NLGN1: variants seen among roughly 807,000 people sequenced by gnomAD.
NLGN1 encodes the protein neuroligin 1.
NLGN1 carries 12 observed loss-of-function variants against 65.5 expected under a neutral mutation model. That is an observed-to-expected ratio of 0.18 (90% CI 0.12 to 0.30). The LOEUF is 0.30. NLGN1 is among the 10% of genes least tolerant of loss of function. The pLI is 1.00. For missense variants in NLGN1, 750 were observed against 1,007.1 expected, an observed-to-expected ratio of 0.74 and a Z score of 3.46; for synonymous variants, 350 against 359.5, an observed-to-expected ratio of 0.97 and a Z score of 0.30.
Position 173,472,910 on chromosome 3 carries a change from G to A in NLGN1, c.-321+37832G>A, listed in dbSNP as rs1040148748. Among the ~76,000 whole-genome samples the A allele has an allele frequency of 2.0e-5, 3 of 152,058 alleles. No homozygotes were observed. In the East Asian group the frequency reaches 5.8e-4, roughly 29 times the overall value. On this transcript the variant is annotated intron_variant, in intron 2 of 6. Coordinates refer to ENST00000457714, the Ensembl canonical transcript of NLGN1. ...TAATCTGCCCCTTTAGGAGTCTGTT[G>A]GCTTTACGGATCTTGCATCATGAAT... is the stretch of plus-strand genomic sequence containing the variant.
At chr3:173,540,781 G>T (rs1560409727) in intron 2 of NLGN1, among the ~76,000 whole-genome samples, 1 of 152,230 alleles carries the variant, frequency 6.6e-6, no homozygotes, top group Admixed American at 6.5e-5. Context: ...AACTACTCCT[G>T]CTTCTGTGTT....
intron 3 of NLGN1, among the ~76,000 whole-genome samples, chr3:173,618,378 G>T (rs1753465056): frequency 6.6e-6 from 1 of 151,978 alleles, no homozygotes; most frequent in African/African-American, 2.4e-5. Flanking sequence ...AAATTGTTTT[G>T]TAGAGATGCG....
rs1437972161 is a variant in NLGN1, at chr3:174,278,849, A to T, written c.860-12A>T. 1.4e-6 allele frequency: 2 copies of T among 1,468,888 alleles called. No individual in the cohort carries two copies. The highest frequency in any genetic ancestry group is 2.8e-5 in the African/African-American group (2 of 70,494). 91.0% of individuals were successfully genotyped at this position (1,468,888 alleles called of 1,614,324 possible). On this transcript the variant is annotated splice_polypyrimidine_tract_variant and intron_variant, in intron 5 of 6. Coordinates refer to ENST00000457714, the Ensembl canonical transcript of NLGN1. ...AAAGATCATCTAAAATTCTTTGTTGATTTTCCCATAGGACTTTTTCAACGA... is the reference window on the plus strand; with the variant it reads ...AAAGATCATCTAAAATTCTTTGTTGTTTTTCCCATAGGACTTTTTCAACGA...
At chr3:173,669,768 A>G (rs923647358) in intron 3 of NLGN1, among the ~76,000 whole-genome samples, 4 of 152,170 alleles carry the variant, frequency 2.6e-5, no homozygotes, top group Admixed American at 6.5e-5. Flanking sequence ...TTATAATACA[A>G]GTTTTTTAAC....
At chr3:174,053,595 A>G (rs1275580377) in intron 4 of NLGN1, among the ~76,000 whole-genome samples, 1 of 152,020 alleles carries the variant, frequency 6.6e-6, no homozygotes, top group Non-Finnish European at 1.5e-5. Context: ...GTAATGGGTA[A>G]AACTTAATGA....
At chr3:173,815,752 A>G (rs1460879229) in intron 4 of NLGN1, among the ~76,000 whole-genome samples, 1 of 152,132 alleles carries the variant, frequency 6.6e-6, no homozygotes, top group Non-Finnish European at 1.5e-5. Context: ...TATGGAAGTG[A>G]CTTTTCAAAA....
At chr3:174,152,299 A>G (rs1355026734) in intron 4 of NLGN1, among the ~76,000 whole-genome samples, 3 of 152,200 alleles carry the variant, frequency 2.0e-5, no homozygotes, top group Non-Finnish European at 4.4e-5. Context: ...ATACATAAAT[A>G]TATCATCTAA....
intron 2 of NLGN1, among the ~76,000 whole-genome samples, chr3:173,471,348 G>A (rs1437229208): frequency 1.3e-5 from 2 of 152,096 alleles, no homozygotes; most frequent in African/African-American, 4.8e-5. Context: ...AGGGCTATGA[G>A]GAACAATCTA....
intron 4 of NLGN1, among the ~76,000 whole-genome samples, chr3:174,032,078 GTTAA>G (rs1225596056): frequency 6.6e-6 from 1 of 152,094 alleles, no homozygotes; most frequent in Admixed American, 6.6e-5. Flanking sequence ...CAGGCATGGT[GTTAA>G]TTAATTGAAA....
intron 4 of NLGN1, among the ~76,000 whole-genome samples, chr3:174,086,591 T>C (rs765788933): frequency 6.6e-6 from 1 of 151,710 alleles, no homozygotes; most frequent in Non-Finnish European, 1.5e-5. Flanking sequence ...ATAAAACATA[T>C]AGTTACTTAA....
chr3:174,024,328 T>A (rs561267115), intron 4 of NLGN1, among the ~76,000 whole-genome samples: 2 of 152,118 alleles, frequency 1.3e-5, no homozygotes, highest in Non-Finnish European at 2.9e-5. Flanking sequence ...CCAAGAACTT[T>A]GCCCAGTAAG....
intron 4 of NLGN1, among the ~76,000 whole-genome samples, chr3:173,889,406 A>T (rs1349809102): frequency 6.6e-6 from 1 of 152,046 alleles, no homozygotes; most frequent in East Asian, 1.9e-4. Flanking sequence ...TTTACTACAA[A>T]CAGTGACAAA....
chr3:173,774,737 A>G (rs577966699), intron 3 of NLGN1, among the ~76,000 whole-genome samples: 1 of 152,256 alleles, frequency 6.6e-6, no homozygotes, highest in African/African-American at 2.4e-5. Context: ...GTTTCTGAGT[A>G]CATTGGTACT....
intron 3 of NLGN1, among the ~76,000 whole-genome samples, chr3:173,789,471 A>G (rs886261765): frequency 3.3e-5 from 5 of 152,212 alleles, no homozygotes; most frequent in African/African-American, 9.6e-5. Flanking sequence ...TGATCCTACC[A>G]CAATCTCCCA....
At chr3:173,405,576 C>T (rs1279421471) in intron 1 of NLGN1, among the ~76,000 whole-genome samples, 1 of 151,876 alleles carries the variant, frequency 6.6e-6, no homozygotes, top group Admixed American at 6.6e-5. Context: ...CTAATAATCT[C>T]CAAATAGATA....
chr3:174,204,039 ATCTT>A (rs1279851392), intron 4 of NLGN1, among the ~76,000 whole-genome samples: 1 of 152,168 alleles, frequency 6.6e-6, no homozygotes, highest in African/African-American at 2.4e-5. Context: ...ACAATTTTAT[ATCTT>A]TCTATTAGAC....
At chr3:174,001,872 T>C (rs1039148503) in intron 4 of NLGN1, among the ~76,000 whole-genome samples, 19 of 151,986 alleles carry the variant, frequency 1.3e-4, no homozygotes, top group African/African-American at 4.1e-4. Flanking sequence ...AAAAACATCT[T>C]ATAATGTACA....
At chr3:173,841,068 AGT>A (rs1341785150) in intron 4 of NLGN1, among the ~76,000 whole-genome samples, 1 of 152,094 alleles carries the variant, frequency 6.6e-6, no homozygotes. Flanking sequence ...ACTTTTTCTC[AGT>A]GTCTAAGTAA....
At chr3:173,559,651 C>T (rs534899757) in intron 2 of NLGN1, among the ~76,000 whole-genome samples, 5 of 152,242 alleles carry the variant, frequency 3.3e-5, no homozygotes, top group Middle Eastern at 3.4e-3. Context: ...CAAGTAAATA[C>T]TTTAAATCAA....
Sources: allele counts gnomAD v4.1 joint callset (sites outside exome capture counted in the v4.1 genomes callset), GRCh38; gene constraint gnomAD v4.1.1; transcripts MANE v1.5; gene names NCBI Gene and HGNC (gene_info 2026-07-23, HGNC 2026-07-21).